AMZ2: variants seen among roughly 807,000 people sequenced by gnomAD.
AMZ2 encodes the protein archaelysin family metallopeptidase 2.
Under a neutral mutation model 36.7 loss-of-function variants are expected in AMZ2, and 26 were observed. The observed-to-expected ratio is 0.71, with a 90% CI of 0.52 to 0.98. The LOEUF (loss-of-function observed/expected upper bound fraction) is 0.98, where lower values mean the gene tolerates loss of function less well. Among genes scored for constraint, AMZ2 ranks in the 50% least tolerant of loss-of-function variants. The pLI is 0.00. For missense variants in AMZ2, 394 were observed against 430.5 expected (o/e 0.92, Z 0.75); for synonymous variants, 144 against 149.1 (o/e 0.97, Z 0.25).
At chr17:68,207,097 A>C (rs2072857482) in intron 1 of AMZ2, 1 of 152,258 alleles carries the variant, frequency 6.6e-6, no homozygotes, top group African/African-American at 2.4e-5. Context: ...GTAGTTGATC[A>C]TCTAGACATA....
At chr17:68,253,585 G>A (rs578116192) in intron 4 of AMZ2, among the ~76,000 whole-genome samples, 1 of 152,250 alleles carries the variant, frequency 6.6e-6, no homozygotes, top group South Asian at 2.1e-4. Context: ...GGAAGGGGAC[G>A]AGGTTATTCT....
rs192562765 is a variant in AMZ2, at chr17:68,214,246, C to T, written c.-67+8008C>T. Among the ~76,000 whole-genome samples the T allele has an allele frequency of 3.9e-5, 6 of 152,166 alleles. No homozygotes were observed. In the South Asian group the frequency reaches 8.3e-4, roughly 21 times the overall value. ...AACCATTGGATGATTTTCATTGTCT[C>T]TTTTATTGGGGGAAATCCCTCTTGT... is the stretch of plus-strand genomic sequence containing the variant. On this transcript the variant is annotated intron_variant, in intron 1 of 7. Transcript: ENST00000674770.
At chr17:68,233,708 TTTATTTTTA>T (rs1207653175) in intron 1 of AMZ2, among the ~76,000 whole-genome samples, 5 of 151,208 alleles carry the variant, frequency 3.3e-5, no homozygotes, top group African/African-American at 4.8e-5. Flanking sequence ...TTATTTTTAA[TTTATTTTTA>T]TTATTTTTAT....
At position 68,254,477 on chromosome 17, in the gene AMZ2, G is replaced by A; in HGVS notation, c.660G>A (p.Lys220=). The A allele has an allele frequency of 6.2e-7, 1 of 1,613,696 alleles. No individual in the cohort carries two copies. The highest frequency in any genetic ancestry group is 8.5e-7 in the Non-Finnish European group (1 of 1,179,926). The stretch of plus-strand genomic sequence containing the variant: ...TGCACTATAAAGGCAAAGTGAAGAA[G>A]CTCAAGAAAACATCTTCAAGTGACT... ...YSMHYKGKVK[K]LKKTSSSDYS... The change falls in exon 5 of 7, where the codon AAG becomes AAA. Residue 220 remains lysine (K), a synonymous_variant. Coordinates refer to ENST00000359904, the MANE Select transcript of AMZ2 (RefSeq NM_016627.5).
At chr17:68,246,374 T>C (rs2074013567), upstream of AMZ2, among the ~76,000 whole-genome samples, 1 of 151,688 alleles carries the variant, frequency 6.6e-6, no homozygotes, top group Non-Finnish European at 1.5e-5. Context: ...TGTCAAGTAA[T>C]AATAATAAAA....
chr17:68,237,080 TGTATAAACACTAGTG>T (rs1363581248), intron 1 of AMZ2, among the ~76,000 whole-genome samples: 1 of 152,248 alleles, frequency 6.6e-6, no homozygotes, highest in Non-Finnish European at 1.5e-5. Context: ...ATTGAACTTA[TGTATAAACACTAGTG>T]GTGAGCATCC....
At chr17:68,250,643 T>G in intron 2 of AMZ2, 151 bp from the exon 3 acceptor site, 1 of 1,214,180 alleles carries the variant, frequency 8.2e-7, no homozygotes. Flanking sequence ...ATTTTGTTTC[T>G]TTTTGTTTCA....
At chr17:68,254,292 C>T (rs2074722797) in intron 4 of AMZ2, 112 bp from the exon 5 acceptor site, 2 of 1,020,052 alleles carry the variant, frequency 2.0e-6, no homozygotes, top group Admixed American at 5.1e-5. Flanking sequence ...GGTGTGGACA[C>T]AGTGACACAG....
intron 1 of AMZ2, among the ~76,000 whole-genome samples, chr17:68,225,574 A>G (rs782298596): frequency 1.1e-4 from 17 of 152,310 alleles, no homozygotes; most frequent in Non-Finnish European, 1.6e-4. Flanking sequence ...TAAAGTTAGC[A>G]TTGTGTTCAG....
chr17:68,214,503 A>G (rs1555726809), intron 1 of AMZ2, among the ~76,000 whole-genome samples: 1 of 152,220 alleles, frequency 6.6e-6, no homozygotes, highest in Non-Finnish European at 1.5e-5. Flanking sequence ...GGTTTCTCCC[A>G]GTCCAGGGAA....
intron 1 of AMZ2, among the ~76,000 whole-genome samples, chr17:68,207,843 G>A (rs1239575303): frequency 8.6e-6 from 1 of 116,868 alleles, no homozygotes; most frequent in African/African-American, 3.0e-5. Context: ...CTCAGCTTGC[G>A]GGGGAGGTGT....
intron 1 of AMZ2, among the ~76,000 whole-genome samples, chr17:68,236,911 A>T (rs2073803362): frequency 6.6e-6 from 1 of 152,116 alleles, no homozygotes; most frequent in South Asian, 2.1e-4. Flanking sequence ...ATATACACCC[A>T]TATTTTTATA....
chr17:68,256,023 A>G (rs2074881681), intron 6 of AMZ2, 147 bp downstream of exon 6: 2 of 905,292 alleles, frequency 2.2e-6, no homozygotes, highest in Non-Finnish European at 3.2e-6. Context: ...TAAAAATGTG[A>G]AGAAATGCTC....
At chr17:68,216,628 T>A (rs1364754750) in intron 1 of AMZ2, among the ~76,000 whole-genome samples, 2 of 152,220 alleles carry the variant, frequency 1.3e-5, no homozygotes, top group African/African-American at 2.4e-5. Flanking sequence ...TTTCAAACCA[T>A]CTTCTTGAGA....
intron 1 of AMZ2, 105 bp from the exon 2 acceptor site, chr17:68,250,083 G>A (rs782282987): frequency 2.4e-6 from 3 of 1,246,310 alleles, no homozygotes; most frequent in Non-Finnish European, 3.3e-6. Context: ...TTAGCAATCA[G>A]TCATTTCACT....
rs1424441298 is a variant in AMZ2, at chr17:68,231,890, T to C, written c.-66-16750T>C. Among the ~76,000 whole-genome samples, 8 of 152,258 alleles carry C rather than the reference T, an allele frequency of 5.3e-5. No homozygotes were observed. In the South Asian group the frequency reaches 1.5e-3, roughly 28 times the overall value. On this transcript the variant is annotated intron_variant, in intron 1 of 7. Coordinates refer to the AMZ2 transcript ENST00000674770. Reference sequence around the variant, plus strand: ...CAACAAATCACTTTTAATGTAGGTATATCCCATGAAATTTATGGGACATGC... The same window carrying C: ...CAACAAATCACTTTTAATGTAGGTACATCCCATGAAATTTATGGGACATGC...
intron 1 of AMZ2, among the ~76,000 whole-genome samples, chr17:68,238,217 C>CTTTT (rs782266783): frequency 1.3e-5 from 2 of 152,062 alleles, no homozygotes; most frequent in Non-Finnish European, 2.9e-5. Flanking sequence ...CTTTCTTCTT[C>CTTTT]TTTTTTTAAA....
Position 68,250,217 on chromosome 17 carries a change from A to T in AMZ2, c.30A>T (p.Thr10=). 6.2e-7 allele frequency: 1 copy of T among 1,614,130 alleles called. No individual in the cohort carries two copies. Among genetic ancestry groups the T allele is most frequent in the Non-Finnish European group, 8.5e-7 (1 of 1,180,024 alleles). The change falls in exon 2 of 7, where the codon ACA becomes ACT. Residue 10 remains threonine, a synonymous_variant. Coordinates refer to ENST00000359904, the MANE Select transcript of AMZ2 (RefSeq NM_016627.5). ...AAATAATACGGCACTCCGAACAGACACTAAAAACAGCTCTCATCTCAAAGA... is the reference window on the plus strand; with the variant it reads ...AAATAATACGGCACTCCGAACAGACTCTAAAAACAGCTCTCATCTCAAAGA... MQIIRHSEQ[T]LKTALISKNP... is the part of the protein sequence containing the mutation.
chr17:68,230,740 A>G (rs1396294683), intron 1 of AMZ2, among the ~76,000 whole-genome samples: 2 of 152,166 alleles, frequency 1.3e-5, no homozygotes, highest in South Asian at 2.1e-4. Context: ...AGGGCCTCTC[A>G]TGCTGCTTAC....
Sources: allele counts gnomAD v4.1 joint callset (sites outside exome capture counted in the v4.1 genomes callset), GRCh38; gene constraint gnomAD v4.1.1; transcripts MANE v1.5; gene names NCBI Gene and HGNC (gene_info 2026-07-23, HGNC 2026-07-21).